The following PTPRD variants were observed in gnomAD, a reference collection of about 807,000 sequenced individuals.
PTPRD encodes protein tyrosine phosphatase receptor type D.
In PTPRD, 34 loss-of-function variants were observed where a neutral mutation model predicts 214.5. That is an observed-to-expected ratio of 0.16 (90% CI 0.12 to 0.21). The LOEUF (loss-of-function observed/expected upper bound fraction) is 0.21. Ranked by LOEUF, PTPRD falls within the 10% of genes least tolerant of loss-of-function variation. The pLI is 1.00. For synonymous variants in PTPRD, 1,128 were observed against 845.7 expected, an observed-to-expected ratio of 1.33 and a Z score of -5.79; for missense variants, 2,545 against 2,398.7, an observed-to-expected ratio of 1.06 and a Z score of -1.27.
chr9:9,187,802 T>C (rs1268211794), intron 9 of PTPRD, among the ~76,000 whole-genome samples: 1 of 151,900 alleles, frequency 6.6e-6, no homozygotes, highest in East Asian at 1.9e-4. Context: ...TGGTGTTGTG[T>C]TATGTTGTGT....
intron 2 of PTPRD, among the ~76,000 whole-genome samples, chr9:10,390,705 C>G (rs935725194): frequency 6.6e-6 from 1 of 151,704 alleles, no homozygotes; most frequent in Non-Finnish European, 1.5e-5. Context: ...AAGGGGCTCT[C>G]TGAGACTAAA....
chr9:8,712,971 G>A (rs768698645), intron 12 of PTPRD, among the ~76,000 whole-genome samples: 14 of 152,204 alleles, frequency 9.2e-5, no homozygotes, highest in East Asian at 1.9e-4. Flanking sequence ...CCCCTGCCTC[G>A]GCCTCCCAAA....
At chr9:9,612,226 A>C (rs922090845) in intron 7 of PTPRD, among the ~76,000 whole-genome samples, 3 of 152,120 alleles carry the variant, frequency 2.0e-5, no homozygotes, top group African/African-American at 7.2e-5. Flanking sequence ...GAATAAAAAA[A>C]ACAGTACTGA....
At chr9:8,722,733 G>C (rs939935805) in intron 12 of PTPRD, among the ~76,000 whole-genome samples, 7 of 152,136 alleles carry the variant, frequency 4.6e-5, no homozygotes, top group African/African-American at 1.7e-4. Flanking sequence ...ACTATCTGCA[G>C]CTATGGATAT....
At chr9:8,814,853 G>T (rs2096888083) in intron 11 of PTPRD, among the ~76,000 whole-genome samples, 1 of 152,156 alleles carries the variant, frequency 6.6e-6, no homozygotes, top group Non-Finnish European at 1.5e-5. Context: ...AATAAGAGGG[G>T]AGTACTTCCA....
Position 10,581,041 on chromosome 9 carries a change from G to T in PTPRD, c.-600+31357C>A, listed in dbSNP as rs191233248. Among the ~76,000 whole-genome samples, 236 of 152,122 alleles carry T rather than the reference G, an allele frequency of 1.6e-3. 2 individuals are homozygous for T. The highest frequency in any genetic ancestry group is 5.5e-3 in the African/African-American group (229 of 41,542). ...CCTGGCTGCATGTGTTCCCATTCTT[G>T]GTTCTGCCACTTCTCGGATGCGTAA... On this transcript the variant is annotated intron_variant, in intron 2 of 45. Coordinates refer to ENST00000381196, the MANE Select transcript of PTPRD (RefSeq NM_002839.4).
intron 3 of PTPRD, among the ~76,000 whole-genome samples, chr9:10,154,967 T>C (rs1316904969): frequency 6.6e-6 from 1 of 152,178 alleles, no homozygotes; most frequent in East Asian, 1.9e-4. Flanking sequence ...CTTTTTGTTT[T>C]TCTAGGTCTG....
chr9:10,192,507 A>T (rs2099370038), intron 3 of PTPRD, among the ~76,000 whole-genome samples: 1 of 151,922 alleles, frequency 6.6e-6, no homozygotes, highest in Non-Finnish European at 1.5e-5. Context: ...TTCCTTTAAA[A>T]AATCTTATAG....
intron 3 of PTPRD, among the ~76,000 whole-genome samples, chr9:10,140,279 G>C (rs201170570): frequency 1.3e-5 from 2 of 151,390 alleles, no homozygotes; most frequent in African/African-American, 4.9e-5. Flanking sequence ...AAAGGACATG[G>C]ACAGCCACTT....
chr9:8,529,177 C>A (rs13283094), intron 14 of PTPRD, among the ~76,000 whole-genome samples: 1 of 152,086 alleles, frequency 6.6e-6, no homozygotes, highest in East Asian at 2.0e-4. Context: ...TAGAAAGATT[C>A]GGGAATGTCA....
chr9:10,601,133 TA>T (rs1263513406), intron 2 of PTPRD, among the ~76,000 whole-genome samples: 2 of 151,710 alleles, frequency 1.3e-5, no homozygotes, highest in Non-Finnish European at 2.9e-5. Context: ...AAATTAAAAA[TA>T]ATAATATTTT....
chr9:10,364,002 T>TTTTTTTG (rs2097455944), intron 2 of PTPRD, among the ~76,000 whole-genome samples: 1 of 70,166 alleles, frequency 1.4e-5, no homozygotes, highest in African/African-American at 3.6e-5. Flanking sequence ...TTTTTTTTTT[T>TTTTTTTG]TTTTTTTTTT....
At chr9:10,560,597 A>C (rs1344719820) in intron 2 of PTPRD, among the ~76,000 whole-genome samples, 1 of 152,174 alleles carries the variant, frequency 6.6e-6, no homozygotes, top group Admixed American at 6.6e-5. Context: ...ATTCAAATGA[A>C]GGTTGATGTC....
chr9:8,340,495 G>C (rs2132374061), intron 41 of PTPRD, 26 bp from the exon 42 acceptor site: 4 of 1,536,638 alleles, frequency 2.6e-6, no homozygotes, highest in Non-Finnish European at 3.6e-6. Context: ...TGAAAAGAAT[G>C]TGTTAAAGTA....
At chr9:9,276,090 C>A (rs1945530297) in intron 9 of PTPRD, among the ~76,000 whole-genome samples, 1 of 151,292 alleles carries the variant, frequency 6.6e-6, no homozygotes, top group Admixed American at 6.6e-5. Flanking sequence ...TCTAATGTTG[C>A]TTAACCCCAG....
intron 3 of PTPRD, among the ~76,000 whole-genome samples, chr9:10,200,690 T>A (rs914997517): frequency 1.3e-5 from 2 of 151,988 alleles, no homozygotes; most frequent in Non-Finnish European, 2.9e-5. Flanking sequence ...GACTTAGAAG[T>A]AAACAGTTAC....
chr9:10,208,624 T>C (rs1038019210), intron 3 of PTPRD, among the ~76,000 whole-genome samples: 4 of 152,262 alleles, frequency 2.6e-5, no homozygotes, highest in African/African-American at 9.6e-5. Context: ...TTTTAATTTC[T>C]ACAACTCTAA....
intron 14 of PTPRD, among the ~76,000 whole-genome samples, chr9:8,620,247 T>G (rs187356194): frequency 6.6e-6 from 1 of 152,020 alleles, no homozygotes; most frequent in Non-Finnish European, 1.5e-5. Context: ...CATTTGCTCA[T>G]TGAGAAAAGA....
intron 2 of PTPRD, among the ~76,000 whole-genome samples, chr9:10,345,287 G>T (rs930474924): frequency 6.6e-6 from 1 of 151,490 alleles, no homozygotes; most frequent in East Asian, 1.9e-4. Flanking sequence ...TTTAAATTTT[G>T]TTATTATACT....
Sources: gnomAD v4.1 joint callset for allele counts (sites outside exome capture counted in the v4.1 genomes callset) on GRCh38, gnomAD v4.1.1 for gene constraint, MANE v1.5 for transcripts, NCBI Gene and HGNC (gene_info 2026-07-23, HGNC 2026-07-21) for gene names.